The following CCDC102B variants were observed in gnomAD, a reference collection of about 807,000 sequenced individuals.
CCDC102B encodes the protein coiled-coil domain-containing protein 102B.
A neutral mutation model predicts 57.4 loss-of-function variants in CCDC102B; 75 were observed. The ratio of observed to expected loss-of-function variants is 1.31; its 90% CI spans 1.08 to 1.58. CCDC102B has a LOEUF of 1.58. Among genes scored for constraint, CCDC102B ranks in the 40% most tolerant of loss-of-function variants. The pLI, the probability that CCDC102B is intolerant of heterozygous loss-of-function variation, is 0.00. For synonymous variants in CCDC102B, 206 were observed against 201.9 expected, an observed-to-expected ratio of 1.02 and a Z score of -0.17; for missense variants, 636 against 582.6, an observed-to-expected ratio of 1.09 and a Z score of -0.94.
At chr18:69,036,343 A>T (rs1423410492) in intron 7 of CCDC102B, among the ~76,000 whole-genome samples, 1 of 152,072 alleles carries the variant, frequency 6.6e-6, no homozygotes, top group Admixed American at 6.6e-5. Context: ...ATTCTAAGAT[A>T]TGGTTTAAAT....
At chr18:68,929,044 G>T (rs748427850) in intron 6 of CCDC102B, among the ~76,000 whole-genome samples, 42 of 152,018 alleles carry the variant, frequency 2.8e-4, no homozygotes, top group Middle Eastern at 3.4e-3. Context: ...ATGAGCTATT[G>T]AGGATTTTCA....
chr18:69,024,683 T>C (rs1036038777), intron 7 of CCDC102B, among the ~76,000 whole-genome samples: 1 of 152,144 alleles, frequency 6.6e-6, no homozygotes, highest in African/African-American at 2.4e-5. Context: ...GATGAATAAA[T>C]GTGCCTGAAT....
intron 2 of CCDC102B, among the ~76,000 whole-genome samples, chr18:68,731,032 G>A (rs560114317): frequency 6.6e-6 from 1 of 152,178 alleles, no homozygotes; most frequent in East Asian, 1.9e-4. Flanking sequence ...CTGTTGCCAG[G>A]CTGGAGTGCA....
chr18:69,029,135 G>A (rs2052070943), intron 7 of CCDC102B, among the ~76,000 whole-genome samples: 1 of 152,132 alleles, frequency 6.6e-6, no homozygotes, highest in East Asian at 1.9e-4. Flanking sequence ...TGTAAAGAAA[G>A]AGTAATTGCC....
intron 4 of CCDC102B, 123 bp from the exon 5 acceptor site, chr18:68,874,546 C>T (rs1021993690): frequency 1.7e-5 from 10 of 593,662 alleles, no homozygotes; most frequent in Non-Finnish European, 2.7e-5. Context: ...AGCAACAAGC[C>T]TGCCAGAATC....
At chr18:68,907,811 T>G (rs1443617775) in intron 6 of CCDC102B, among the ~76,000 whole-genome samples, 2 of 152,172 alleles carry the variant, frequency 1.3e-5, no homozygotes, top group East Asian at 3.9e-4. Context: ...TGCTAAAACT[T>G]CTAGTACAAC....
intron 7 of CCDC102B, among the ~76,000 whole-genome samples, chr18:69,036,007 C>T (rs551024506): frequency 2.0e-5 from 3 of 152,136 alleles, no homozygotes; most frequent in South Asian, 4.1e-4. Flanking sequence ...CCAGAATCCC[C>T]GATGCTCAAC....
At chr18:69,044,016 A>G (rs1262383900) in intron 7 of CCDC102B, among the ~76,000 whole-genome samples, 2 of 152,110 alleles carry the variant, frequency 1.3e-5, no homozygotes, top group Non-Finnish European at 2.9e-5. Flanking sequence ...ATTCCCAGCT[A>G]TTGCATTTAG....
chr18:68,740,599 C>T (rs759463662), intron 2 of CCDC102B, among the ~76,000 whole-genome samples: 6 of 152,010 alleles, frequency 3.9e-5, no homozygotes, highest in Non-Finnish European at 7.4e-5. Flanking sequence ...GAGGAAAATC[C>T]ACCAGTGCAG....
chr18:68,747,602 A>G (rs2033671872), intron 2 of CCDC102B, among the ~76,000 whole-genome samples: 1 of 152,132 alleles, frequency 6.6e-6, no homozygotes, highest in Non-Finnish European at 1.5e-5. Flanking sequence ...CACTTTATGT[A>G]CATGGAATCA....
chr18:68,845,058 CTAAT>C (rs533368272), intron 3 of CCDC102B, among the ~76,000 whole-genome samples: 4 of 151,954 alleles, frequency 2.6e-5, no homozygotes, highest in African/African-American at 7.2e-5. Context: ...TAAGCTCTAA[CTAAT>C]TCTTTTATAT....
In CCDC102B at chr18:69,040,382, AGG is replaced by A. The variant is rs1160611965; in HGVS notation, c.1435-13645_1435-13644del. On this transcript the variant is annotated intron_variant, in intron 7 of 7. Coordinates refer to ENST00000360242, the MANE Select transcript of CCDC102B (RefSeq NM_024781.3). ...ATCTATGTAGATTTAGATTAGATGC[AGG>A]GGTGTGTGTGTGTGTGTGTGTGTGT... Among the ~76,000 whole-genome samples, 33 of 134,194 alleles carry A rather than the reference AGG, an allele frequency of 2.5e-4. No individual in the cohort carries two copies. The East Asian group carries it at 4.8e-3, about 19-fold the overall frequency. The allele number at this position is 134,194 out of a possible 152,430, so 88.0% of individuals were successfully genotyped here.
intron 6 of CCDC102B, among the ~76,000 whole-genome samples, chr18:68,976,995 T>C (rs189419530): frequency 6.6e-6 from 1 of 152,166 alleles, no homozygotes; most frequent in Non-Finnish European, 1.5e-5. Flanking sequence ...ATATCGTCTT[T>C]TAAAAGGCTT....
At chr18:68,817,717 G>A (rs7228546) in intron 1 of CCDC102B, among the ~76,000 whole-genome samples, 65,692 of 151,908 alleles carry the variant, frequency 0.43, 15,505 homozygotes, top group East Asian at 0.86. Context: ...GGTGTGTAGG[G>A]GTAAACATAG....
chr18:68,981,237 G>T (rs183339642), intron 6 of CCDC102B, among the ~76,000 whole-genome samples: 118 of 152,034 alleles, frequency 7.8e-4, no homozygotes, highest in African/African-American at 2.4e-3. Flanking sequence ...TATAAAACAC[G>T]CAGAGAAAGG....
At chr18:69,006,585 CTT>C (rs200615759) in intron 6 of CCDC102B, among the ~76,000 whole-genome samples, 2 of 134,268 alleles carry the variant, frequency 1.5e-5, no homozygotes, top group African/African-American at 6.2e-5. Context: ...CCACACAGGG[CTT>C]TTTTTTTTTT....
At chr18:68,724,331 G>C (rs372859478) in intron 2 of CCDC102B, among the ~76,000 whole-genome samples, 9 of 152,304 alleles carry the variant, frequency 5.9e-5, no homozygotes, top group African/African-American at 2.2e-4. Flanking sequence ...TTAACATTTG[G>C]CTTCTCACTA....
At chr18:68,735,348 C>T (rs8086958) in intron 2 of CCDC102B, among the ~76,000 whole-genome samples, 25,552 of 152,092 alleles carry the variant, frequency 0.17, 2,635 homozygotes, top group African/African-American at 0.29. Flanking sequence ...GGTGAGGCAG[C>T]GCGCCAGGGC....
chr18:68,803,551 C>T (rs1409589745), intron 1 of CCDC102B, among the ~76,000 whole-genome samples: 2 of 152,150 alleles, frequency 1.3e-5, no homozygotes, highest in Non-Finnish European at 2.9e-5. Flanking sequence ...ATCACATGTG[C>T]TAAAGTCTTA....
Sources: allele counts gnomAD v4.1 joint callset (sites outside exome capture counted in the v4.1 genomes callset), GRCh38; gene constraint gnomAD v4.1.1; transcripts MANE v1.5; gene names NCBI Gene and HGNC (gene_info 2026-07-23, HGNC 2026-07-21).